Variants in MECOM observed in about 807,000 individuals in gnomAD.
MECOM encodes the protein histone-lysine N-methyltransferase MECOM.
Under a neutral mutation model 116.3 loss-of-function variants are expected in MECOM, and 13 were observed. The ratio of observed to expected loss-of-function variants is 0.11; its 90% CI spans 0.07 to 0.18. The LOEUF is 0.18. MECOM is among the 10% of genes least tolerant of loss of function. The probability of loss-of-function intolerance (pLI) is 1.00; values close to 1 mark genes in which losing one functional copy is unlikely to be tolerated. For missense variants in MECOM, 1,299 were observed against 1,509.0 expected, an observed-to-expected ratio of 0.86 and a Z score of 2.31; for synonymous variants, 528 against 535.2, an observed-to-expected ratio of 0.99 and a Z score of 0.19.
chr3:169,492,271 C>T (rs570363687), intron 1 of MECOM, among the ~76,000 whole-genome samples: 2 of 152,154 alleles, frequency 1.3e-5, no homozygotes, highest in Non-Finnish European at 2.9e-5. Context: ...AAGCAAAATA[C>T]GACCTAGTTG....
chr3:169,343,738 C>G (rs1333550507), intron 2 of MECOM, among the ~76,000 whole-genome samples: 2 of 152,118 alleles, frequency 1.3e-5, no homozygotes, highest in Non-Finnish European at 2.9e-5. Context: ...AAAATATACA[C>G]TGGCGCTCAA....
At chr3:169,236,583 T>C (rs548243293) in intron 2 of MECOM, among the ~76,000 whole-genome samples, 1 of 152,270 alleles carries the variant, frequency 6.6e-6, no homozygotes, top group African/African-American at 2.4e-5. Flanking sequence ...TTCATGCATC[T>C]GACAAAAAGA....
intron 1 of MECOM, among the ~76,000 whole-genome samples, chr3:169,550,822 T>C (rs1761287642): frequency 2.7e-5 from 1 of 36,608 alleles, no homozygotes; most frequent in East Asian, 8.3e-3. Flanking sequence ...TCCCTTTCCT[T>C]TTTTTTTTTT....
intron 1 of MECOM, among the ~76,000 whole-genome samples, chr3:169,582,247 T>A (rs1765206310): frequency 6.7e-6 from 1 of 150,158 alleles, no homozygotes; most frequent in Non-Finnish European, 1.5e-5. Flanking sequence ...CGAGAGTAGA[T>A]GAAGAAGAAA....
intron 1 of MECOM, among the ~76,000 whole-genome samples, chr3:169,463,682 T>C (rs1306792432): frequency 6.6e-6 from 1 of 152,322 alleles, no homozygotes; most frequent in Non-Finnish European, 1.5e-5. Context: ...ACTTTGATAG[T>C]AAAACCTTAA....
Position 169,131,550 on chromosome 3 carries a change from G to C in MECOM, c.511-19C>G, listed in dbSNP as rs571481344. 2.9e-5 allele frequency: 46 copies of C among 1,584,170 alleles called. No homozygotes were observed. In the South Asian group the frequency reaches 4.6e-4, roughly 16 times the overall value. ...AGAATATCTTTAAAGACAAAATAAAGGTGGATGGAATCAGGAAAGAGAGAG... is the reference window on the plus strand; with the variant it reads ...AGAATATCTTTAAAGACAAAATAAACGTGGATGGAATCAGGAAAGAGAGAG... On this transcript the variant is annotated intron_variant, in intron 3 of 16. Coordinates refer to ENST00000651503, the MANE Select transcript of MECOM (RefSeq NM_004991.4).
In MECOM at chr3:169,102,054, A is replaced by G; in HGVS notation, c.2771+6T>C. ...GAAAGTCAGCCATAATTAACTGTGCAGTTACCTGCAGGTATAGCGCTCCTT... is the reference window on the plus strand; with the variant it reads ...GAAAGTCAGCCATAATTAACTGTGCGGTTACCTGCAGGTATAGCGCTCCTT... On this transcript the variant is annotated splice_donor_region_variant and intron_variant, in intron 11 of 16. Transcript: ENST00000651503. The G allele has an allele frequency of 6.2e-7, 1 of 1,610,048 alleles. No individual in the cohort carries two copies. The highest frequency in any genetic ancestry group is 8.5e-7 in the Non-Finnish European group (1 of 1,178,558).
intron 1 of MECOM, among the ~76,000 whole-genome samples, chr3:169,469,975 T>C (rs1480741334): frequency 1.3e-5 from 2 of 152,174 alleles, no homozygotes; most frequent in Admixed American, 1.3e-4. Flanking sequence ...CTAGCCTTCC[T>C]AAGAAACTGA....
chr3:169,208,480 A>C (rs747256821), intron 2 of MECOM, among the ~76,000 whole-genome samples: 2 of 151,976 alleles, frequency 1.3e-5, no homozygotes, highest in Non-Finnish European at 2.9e-5. Context: ...TAAAGGAAAG[A>C]CACAGTGGGA....
At position 169,383,166 on chromosome 3, in the gene MECOM, T is replaced by G. The variant is rs534907269; in HGVS notation, c.38-1642A>C. 3.3e-5 allele frequency among the ~76,000 whole-genome samples: 5 copies of G among 152,286 alleles called. No individual in the cohort carries two copies. The East Asian group carries it at 9.7e-4, about 29-fold the overall frequency. ...AAGTAATGACTCCTGTCTCTTAAAGTTTTGTGAAGTGTAAAGTGATAGCAC... is the reference window on the plus strand; with the variant it reads ...AAGTAATGACTCCTGTCTCTTAAAGGTTTGTGAAGTGTAAAGTGATAGCAC... On this transcript the variant is annotated intron_variant, in intron 1 of 16. Coordinates refer to ENST00000651503, the MANE Select transcript of MECOM (RefSeq NM_004991.4).
At chr3:169,427,090 T>C (rs572596083) in intron 1 of MECOM, among the ~76,000 whole-genome samples, 115 of 152,298 alleles carry the variant, frequency 7.6e-4, no homozygotes, top group Admixed American at 2.1e-3. Flanking sequence ...TGAATTCTTT[T>C]TTAAAGCCTC....
chr3:169,159,474 G>T (rs1191669183), intron 2 of MECOM, among the ~76,000 whole-genome samples: 2 of 152,098 alleles, frequency 1.3e-5, no homozygotes, highest in African/African-American at 4.8e-5. Context: ...CAGGAGAATT[G>T]CTTGAACCCG....
chr3:169,265,514 T>C (rs1758167724), intron 2 of MECOM, among the ~76,000 whole-genome samples: 1 of 152,248 alleles, frequency 6.6e-6, no homozygotes, highest in Non-Finnish European at 1.5e-5. Context: ...GTATTTGACA[T>C]AGAAGTCATC....
At chr3:169,329,648 C>T (rs1722413330) in intron 2 of MECOM, among the ~76,000 whole-genome samples, 1 of 152,190 alleles carries the variant, frequency 6.6e-6, no homozygotes. Context: ...AATTTTATAA[C>T]CTACCCTGCC....
chr3:169,384,277 T>C (rs1732938951), intron 1 of MECOM, among the ~76,000 whole-genome samples: 1 of 152,214 alleles, frequency 6.6e-6, no homozygotes, highest in Admixed American at 6.5e-5. Context: ...CTTTTGATCC[T>C]ACAAAGCACC....
chr3:169,197,871 G>A (rs909980709), intron 2 of MECOM, among the ~76,000 whole-genome samples: 3 of 151,938 alleles, frequency 2.0e-5, no homozygotes, highest in African/African-American at 7.3e-5. Context: ...ACTGACAGGC[G>A]TTTGATTTAT....
intron 3 of MECOM, among the ~76,000 whole-genome samples, chr3:169,138,307 T>G (rs1251052108): frequency 1.3e-5 from 2 of 152,150 alleles, no homozygotes; most frequent in African/African-American, 4.8e-5. Flanking sequence ...CTTATGCAGT[T>G]TGTGAATCTT....
intron 2 of MECOM, among the ~76,000 whole-genome samples, chr3:169,320,755 C>A (rs1720710964): frequency 6.6e-6 from 1 of 152,078 alleles, no homozygotes; most frequent in Non-Finnish European, 1.5e-5. Flanking sequence ...TTGGCCACAT[C>A]TTTATTTTGA....
intron 1 of MECOM, among the ~76,000 whole-genome samples, chr3:169,486,060 C>A (rs1366457494): frequency 7.4e-6 from 1 of 135,942 alleles, no homozygotes; most frequent in Non-Finnish European, 1.6e-5. Context: ...TATACACTAT[C>A]CCAGAGACAT....
Sources: gnomAD v4.1 joint callset for allele counts (sites outside exome capture counted in the v4.1 genomes callset) on GRCh38, gnomAD v4.1.1 for gene constraint, MANE v1.5 for transcripts, NCBI Gene and HGNC (gene_info 2026-07-23, HGNC 2026-07-21) for gene names.